Variants in RPS24 observed in about 807,000 individuals in gnomAD.
RPS24 encodes small ribosomal subunit protein eS24.
For missense variants in RPS24, 100 were observed against 162.5 expected (o/e 0.62, Z 2.09); for synonymous variants, 72 against 55.6 (o/e 1.30, Z -1.31).
At chr10:78,035,749 T>A (rs1847852046) in intron 3 of RPS24, 29 bp downstream of exon 3, 1 of 1,559,802 alleles carries the variant, frequency 6.4e-7, no homozygotes, top group Non-Finnish European at 8.7e-7. Context: ...GTTGATCAGC[T>A]CCTGAAGACC....
At position 78,054,625 on chromosome 10, in the gene RPS24, G is replaced by A. The variant is rs769948259; in HGVS notation, c.485G>A (p.Arg162Gln). The A allele has an allele frequency of 2.9e-5, 45 of 1,551,548 alleles. No homozygotes were observed. In the East Asian group the frequency reaches 2.9e-4, roughly 10 times the overall value. The change falls in exon 5 of 5, where the codon CGG (arginine) becomes CAG (glutamine). Residue 162 changes from arginine (R) to glutamine (Q), a missense_variant. By Grantham distance (43) the Arg-to-Gln change is conservative. Coordinates refer to the RPS24 transcript ENST00000440692. ...AAGAACTCGAAGGCAAGAGAAAGCC[G>A]GGGGGTTGTGTGGCAGGTAGAAGTG...
chr10:78,042,520 CTG>C (rs1313182407), downstream of RPS24, among the ~76,000 whole-genome samples: 7 of 152,338 alleles, frequency 4.6e-5, no homozygotes, highest in South Asian at 4.1e-4. Flanking sequence ...GGAACTCAAA[CTG>C]TGGACAGATT....
At chr10:78,038,193 G>A (rs1178097603) in intron 4 of RPS24, 6 of 217,790 alleles carry the variant, frequency 2.8e-5, no homozygotes, top group Non-Finnish European at 4.8e-5. Context: ...TATATTATGA[G>A]CAAAGGAGAA....
At chr10:78,037,058 C>A in intron 3 of RPS24, 136 bp from the exon 4 acceptor site, 1 of 976,848 alleles carries the variant, frequency 1.0e-6, no homozygotes, top group Non-Finnish European at 1.6e-6. Flanking sequence ...CAAAAACATG[C>A]ATTAAATGTA....
intron 4 of RPS24, among the ~76,000 whole-genome samples, chr10:78,052,734 TGAG>T (rs2131994585): frequency 6.6e-6 from 1 of 152,134 alleles, no homozygotes; most frequent in Admixed American, 6.5e-5. Flanking sequence ...TAGCTGGAAA[TGAG>T]GAGAGAGAGA....
At chr10:78,035,323 TTTA>T in intron 1 of RPS24, 26 bp from the exon 2 acceptor site, 1 of 1,610,864 alleles carries the variant, frequency 6.2e-7, no homozygotes, top group South Asian at 1.1e-5. Context: ...TTGGAGTAGT[TTTA>T]TTAACCAGAG....
downstream of RPS24, among the ~76,000 whole-genome samples, chr10:78,043,590 C>T (rs1254715430): frequency 7.1e-6 from 1 of 140,058 alleles, no homozygotes; most frequent in Non-Finnish European, 1.5e-5. Flanking sequence ...ATTTACTGAC[C>T]ACCTGCTGTG....
chr10:78,042,370 G>A (rs1478083257), downstream of RPS24, among the ~76,000 whole-genome samples: 1 of 152,160 alleles, frequency 6.6e-6, no homozygotes, highest in Non-Finnish European at 1.5e-5. Context: ...GGGTTAATTT[G>A]TCTTTTAAAT....
rs1465445328 is a variant in RPS24 at position 78,054,427 on chromosome 10, CAAG to C, written c.391-103_391-101del. ...GACTGCTGCTGATCTTCCCTGGTAC[CAAG>C]TGAGGGAGGTGCAGAATCCCAGGCC... On this transcript the variant is annotated intron_variant, in intron 4 of 4. Coordinates refer to the RPS24 transcript ENST00000440692. The C allele has an allele frequency of 1.1e-5, 11 of 1,044,526 alleles. No individual in the cohort carries two copies. The East Asian group carries it at 2.6e-4, about 25-fold the overall frequency. 64.7% of individuals were successfully genotyped at this position (1,044,526 alleles called of 1,614,324 possible).
rs1191231955 is a variant in RPS24 at position 78,037,223 on chromosome 10, A to C, written c.309A>C (p.Ser103=). Residue 103 remains serine, a synonymous_variant, in exon 4 of 6, where the codon TCA becomes TCC. Coordinates refer to ENST00000372360, the MANE Select transcript of RPS24 (RefSeq NM_033022.4). Reference sequence around the variant, plus strand: ...GCCTGTATGAGAAGAAAAAGACCTCAAGAAAGCAACGAAAGGAACGCAAGA... The same window carrying C: ...GCCTGTATGAGAAGAAAAAGACCTCCAGAAAGCAACGAAAGGAACGCAAGA... ...RHGLYEKKKT[S]RKQRKERKNR... 1.2e-6 allele frequency: 2 copies of C among 1,607,190 alleles called. No homozygotes were observed. Among genetic ancestry groups the C allele is most frequent in the Non-Finnish European group, 1.7e-6 (2 of 1,176,994 alleles).
intron 5 of RPS24, 176 bp downstream of exon 5, chr10:78,040,401 C>A: frequency 1.4e-6 from 1 of 716,254 alleles, no homozygotes; most frequent in South Asian, 1.8e-5. Flanking sequence ...TAAGGTTTAG[C>A]AATATTTAGC....
intron 4 of RPS24, among the ~76,000 whole-genome samples, chr10:78,048,511 A>T (rs1046971216): frequency 6.6e-6 from 1 of 152,064 alleles, no homozygotes; most frequent in East Asian, 1.9e-4. Flanking sequence ...CCTGGGTTAT[A>T]AGGGGATTCA....
chr10:78,054,943 T>C lies in RPS24; in HGVS notation c.803T>C (p.Phe268Ser), dbSNP rs1246681773. 1.5e-5 allele frequency: 22 copies of C among 1,495,754 alleles called. No individual in the cohort carries two copies. The highest frequency in any genetic ancestry group is 1.8e-5 in the Non-Finnish European group (20 of 1,116,968). 92.7% of individuals were successfully genotyped at this position (1,495,754 alleles called of 1,614,324 possible). The change falls in exon 5 of 5, where the codon TTC becomes TCC. Residue 268 changes from phenylalanine (F) to serine (S), a missense_variant. Physicochemically the swap from Phe to Ser is radical, Grantham distance 155. Transcript: ENST00000440692. ...GCCATCAACAAGTCTTTTGGCCCTT[T>C]CTTTGAAATCCACCAGGAATCCAGC...
downstream of RPS24, among the ~76,000 whole-genome samples, chr10:78,042,106 A>G (rs1002444032): frequency 3.9e-5 from 6 of 152,232 alleles, no homozygotes; most frequent in African/African-American, 1.4e-4. Flanking sequence ...TTTTACGTAA[A>G]GGTCTGGATT....
At chr10:78,038,307 A>G (rs1474003230) in intron 4 of RPS24, 1 of 179,208 alleles carries the variant, frequency 5.6e-6, no homozygotes, top group African/African-American at 2.4e-5. Flanking sequence ...CACTTGGGAA[A>G]TGCTGTGTCC....
chr10:78,043,092 C>T (rs912845902), downstream of RPS24, among the ~76,000 whole-genome samples: 20 of 152,138 alleles, frequency 1.3e-4, no homozygotes, highest in Non-Finnish European at 5.9e-5. Context: ...CAAGCTCTGC[C>T]TCACGGGTTC....
chr10:78,040,670 C>G lies in RPS24; in HGVS notation c.*75C>G. On this transcript the variant is annotated 3_prime_UTR_variant, in exon 6 of 6. Transcript: ENST00000372360. ...AGCTGTGGCCACTGTGGATTTTTCG[C>G]AAGAACATTAATAAACTAAAAACTT... The G allele has an allele frequency of 6.2e-7, 1 of 1,613,966 alleles. No individual in the cohort carries two copies.
chr10:78,054,416 T>C, intron 4 of RPS24: 2 of 984,236 alleles, frequency 2.0e-6, no homozygotes, highest in African/African-American at 3.3e-5. Flanking sequence ...GCTGCTGATC[T>C]TCCCTGGTAC....
At chr10:78,055,167 A>C in exon 5 of RPS24, 2 of 1,234,748 alleles carry the variant, frequency 1.6e-6, no homozygotes, top group South Asian at 3.1e-5. Flanking sequence ...CTCTCACCCA[A>C]ATGCCAAAGA....
Sources: gnomAD v4.1 joint callset for allele counts (sites outside exome capture counted in the v4.1 genomes callset) on GRCh38, gnomAD v4.1.1 for gene constraint, MANE v1.5 for transcripts, NCBI Gene and HGNC (gene_info 2026-07-23, HGNC 2026-07-21) for gene names.